PALM2AKAP2: variants seen among roughly 807,000 people sequenced by gnomAD.
PALM2AKAP2 encodes the protein PALM2 and AKAP2 fusion, also known as PALM2-AKAP2 fusion protein.
In PALM2AKAP2, 37 loss-of-function variants were observed where a neutral mutation model predicts 71.5. The ratio of observed to expected loss-of-function variants is 0.52; its 90% CI spans 0.40 to 0.68. The LOEUF is 0.68. Among genes scored for constraint, PALM2AKAP2 ranks in the 30% least tolerant of loss-of-function variants. The pLI is 0.00. For missense variants in PALM2AKAP2, 1,224 were observed against 1,191.8 expected, an observed-to-expected ratio of 1.03 and a Z score of -0.40; for synonymous variants, 468 against 478.8, an observed-to-expected ratio of 0.98 and a Z score of 0.29.
intron 1 of PALM2AKAP2, chr9:110,090,154 G>A (rs189362110): frequency 7.1e-5 from 22 of 310,822 alleles, no homozygotes; most frequent in African/African-American, 4.8e-4. Context: ...AAGTCGGGCC[G>A]GTTCACATTG....
chr9:110,166,295 A>T (rs1341324761), intron 3 of PALM2AKAP2, among the ~76,000 whole-genome samples: 2 of 152,230 alleles, frequency 1.3e-5, no homozygotes, highest in Non-Finnish European at 2.9e-5. Flanking sequence ...TTCCAAGGTC[A>T]TGAGGATTTG....
At chr9:109,754,157 A>AG (rs1828924405) in intron 1 of PALM2AKAP2, among the ~76,000 whole-genome samples, 1 of 152,162 alleles carries the variant, frequency 6.6e-6, no homozygotes, top group Non-Finnish European at 1.5e-5. Flanking sequence ...GAAAGATAAA[A>AG]CAGAAAAAGT....
intron 2 of PALM2AKAP2, among the ~76,000 whole-genome samples, chr9:109,877,238 C>T (rs929128436): frequency 6.6e-6 from 1 of 152,022 alleles, no homozygotes; most frequent in African/African-American, 2.4e-5. Flanking sequence ...AAAGTGTGGT[C>T]CCTACCCCTC....
At chr9:109,720,774 A>T (rs1463187740) in intron 1 of PALM2AKAP2, among the ~76,000 whole-genome samples, 1 of 152,256 alleles carries the variant, frequency 6.6e-6, no homozygotes, top group African/African-American at 2.4e-5. Context: ...AAAGGAACCC[A>T]CATGCTGTGG....
chr9:109,989,332 G>A (rs971730013), intron 6 of PALM2AKAP2, among the ~76,000 whole-genome samples: 2 of 152,124 alleles, frequency 1.3e-5, no homozygotes, highest in African/African-American at 4.8e-5. Context: ...CTATCTACTC[G>A]TAGCTTGTCA....
chr9:109,950,406 A>T (rs1444837363), intron 6 of PALM2AKAP2, among the ~76,000 whole-genome samples: 1 of 152,112 alleles, frequency 6.6e-6, no homozygotes, highest in African/African-American at 2.4e-5. Context: ...CATAAAGGAG[A>T]TTCTGAATTT....
At chr9:109,951,320 G>A (rs1034030359) in intron 6 of PALM2AKAP2, among the ~76,000 whole-genome samples, 1 of 152,204 alleles carries the variant, frequency 6.6e-6, no homozygotes, top group Non-Finnish European at 1.5e-5. Flanking sequence ...GTAACCTGAA[G>A]TGTACTTTGA....
upstream of PALM2AKAP2, among the ~76,000 whole-genome samples, chr9:110,045,604 G>C (rs1833582261): frequency 6.6e-6 from 1 of 151,688 alleles, no homozygotes; most frequent in Non-Finnish European, 1.5e-5. Flanking sequence ...GTCTCTCTCT[G>C]TCGCCCAGGC....
At chr9:109,768,208 AAAGG>A (rs1205964140) in intron 1 of PALM2AKAP2, among the ~76,000 whole-genome samples, 2 of 151,248 alleles carry the variant, frequency 1.3e-5, no homozygotes, top group Non-Finnish European at 3.0e-5. Flanking sequence ...CAGGGAGAAA[AAAGG>A]AAGGAAGGAA....
In PALM2AKAP2 at chr9:110,035,920, A is replaced by G. The variant is rs569536429; in HGVS notation, c.582+19881A>G. Among the ~76,000 whole-genome samples the G allele has an allele frequency of 1.3e-4, 19 of 150,566 alleles. No individual in the cohort carries two copies. In the Middle Eastern group the frequency reaches 0.01, roughly 83 times the overall value. On this transcript the variant is annotated intron_variant, in intron 7 of 9. Transcript: ENST00000302798. ...TATATATAACATATATATGATATAT[A>G]TATTGTTTTGGTGAGTTGGTACTTT...
intron 3 of PALM2AKAP2, among the ~76,000 whole-genome samples, chr9:109,900,172 C>A (rs1217111975): frequency 6.6e-6 from 1 of 152,214 alleles, no homozygotes; most frequent in African/African-American, 2.4e-5. Flanking sequence ...CTCAATTACT[C>A]TGATTGGCAT....
chr9:109,663,281 G>T (rs927613510), intron 1 of PALM2AKAP2, among the ~76,000 whole-genome samples: 1 of 151,928 alleles, frequency 6.6e-6, no homozygotes, highest in Non-Finnish European at 1.5e-5. Context: ...GTGATGTTAG[G>T]GTGTTGATTT....
chr9:109,814,977 G>C (rs138445783), intron 1 of PALM2AKAP2, among the ~76,000 whole-genome samples: 213 of 152,242 alleles, frequency 1.4e-3, no homozygotes, highest in African/African-American at 5.0e-3. Flanking sequence ...CTCCACTGTA[G>C]TATATGAAGT....
intron 1 of PALM2AKAP2, among the ~76,000 whole-genome samples, chr9:110,083,796 A>G (rs1208408530): frequency 3.3e-5 from 5 of 152,264 alleles, no homozygotes; most frequent in Admixed American, 6.5e-5. Flanking sequence ...ATGGAAGAGC[A>G]TGATTTTAAA....
chr9:110,146,509 G>A (rs1401773768), intron 2 of PALM2AKAP2, among the ~76,000 whole-genome samples: 1 of 152,180 alleles, frequency 6.6e-6, no homozygotes, highest in East Asian at 1.9e-4. Context: ...ACTCAGCCAT[G>A]CACAAAAACA....
chr9:110,158,220 G>T (rs1031677229), intron 3 of PALM2AKAP2, among the ~76,000 whole-genome samples: 3 of 152,210 alleles, frequency 2.0e-5, no homozygotes, highest in Non-Finnish European at 2.9e-5. Context: ...TTTGCCTTAA[G>T]AATTTTCTGA....
chr9:110,128,523 T>G (rs955668381), intron 1 of PALM2AKAP2, among the ~76,000 whole-genome samples: 1 of 152,242 alleles, frequency 6.6e-6, no homozygotes, highest in Non-Finnish European at 1.5e-5. Flanking sequence ...AAGGATCGGG[T>G]CACCTATTAT....
At chr9:109,827,192 A>G (rs1232175340) in intron 1 of PALM2AKAP2, among the ~76,000 whole-genome samples, 1 of 152,228 alleles carries the variant, frequency 6.6e-6, no homozygotes, top group Non-Finnish European at 1.5e-5. Flanking sequence ...AGTTTCCAAA[A>G]AAGAAAGAAG....
chr9:109,969,088 G>GCACACA (rs34057385), intron 6 of PALM2AKAP2, among the ~76,000 whole-genome samples: 2,910 of 149,674 alleles, frequency 0.019, 35 homozygotes, highest in Middle Eastern at 0.041. Context: ...AAATGTGCGT[G>GCACACA]CACACACACA....
Sources: gnomAD v4.1 joint callset for allele counts (sites outside exome capture counted in the v4.1 genomes callset) on GRCh38, gnomAD v4.1.1 for gene constraint, MANE v1.5 for transcripts, NCBI Gene and HGNC (gene_info 2026-07-23, HGNC 2026-07-21) for gene names.